The following ANO3 variants were observed in gnomAD, a reference collection of about 807,000 sequenced individuals.
ANO3 encodes anoctamin-3.
Under a neutral mutation model 144.8 loss-of-function variants are expected in ANO3, and 99 were observed. That is an observed-to-expected ratio of 0.68 (90% CI 0.58 to 0.81). ANO3 has a LOEUF of 0.81. Ranked by LOEUF, ANO3 falls within the 30% of genes least tolerant of loss-of-function variation. The pLI is 0.00. For missense variants in ANO3, 905 were observed against 1,202.2 expected (o/e 0.75, Z 3.66); for synonymous variants, 414 against 392.6 (o/e 1.05, Z -0.64).
intron 1 of ANO3, among the ~76,000 whole-genome samples, chr11:26,435,784 T>G (rs188692942): frequency 4.8e-4 from 73 of 152,340 alleles, no homozygotes; most frequent in African/African-American, 1.7e-3. Flanking sequence ...CCTGTTAACT[T>G]CTGTATCATT....
intron 1 of ANO3, among the ~76,000 whole-genome samples, chr11:26,195,366 G>A (rs1035385895): frequency 6.6e-6 from 1 of 152,180 alleles, no homozygotes. Flanking sequence ...GGAAAATGAG[G>A]TTATGTATGT....
chr11:26,440,192 G>A lies in ANO3; in HGVS notation c.47-1726G>A, dbSNP rs923335852. 5.3e-5 allele frequency among the ~76,000 whole-genome samples: 8 copies of A among 152,198 alleles called. No homozygotes were observed. In the East Asian group the frequency reaches 1.4e-3, roughly 26 times the overall value. On this transcript the variant is annotated intron_variant, in intron 1 of 26. Coordinates refer to ENST00000256737, the MANE Select transcript of ANO3 (RefSeq NM_031418.4). ...TTAGGGAGTGATTCACGATCAAGCAGCTTTGTACAATTTACCATATGTATT... is the reference window on the plus strand; with the variant it reads ...TTAGGGAGTGATTCACGATCAAGCAACTTTGTACAATTTACCATATGTATT...
chr11:26,269,989 T>C (rs950694676), intron 1 of ANO3, among the ~76,000 whole-genome samples: 1 of 152,110 alleles, frequency 6.6e-6, no homozygotes, highest in Non-Finnish European at 1.5e-5. Flanking sequence ...GAACAGATCA[T>C]GTGAAGACAC....
chr11:26,509,103 CTCTA>C (rs1465872445), intron 5 of ANO3, among the ~76,000 whole-genome samples: 4 of 118,214 alleles, frequency 3.4e-5, no homozygotes, highest in African/African-American at 1.2e-4. Context: ...ATCTCTCTCT[CTCTA>C]TATATATATA....
rs143142859 is a variant in ANO3, at chr11:26,450,653, G to A, written c.313+6817G>A. ...CACACCATCTTTGCCTGAGTTTTCC[G>A]ATTTGAGAAATGGAGATATCAATAT... is the stretch of plus-strand genomic sequence containing the variant. On this transcript the variant is annotated intron_variant, in intron 3 of 26. Transcript: ENST00000256737. Among the ~76,000 whole-genome samples, 1,447 of 152,236 alleles carry A rather than the reference G, an allele frequency of 9.5e-3. 11 individuals are homozygous for A. The highest frequency in any genetic ancestry group is 0.032 in the African/African-American group (1,342 of 41,532).
intron 1 of ANO3, among the ~76,000 whole-genome samples, chr11:26,259,424 C>T (rs547948579): frequency 2.0e-5 from 3 of 152,050 alleles, no homozygotes; most frequent in African/African-American, 7.2e-5. Context: ...CCGAGGCAGG[C>T]GGATCATGAG....
At chr11:26,265,727 G>C (rs916174959) in intron 1 of ANO3, among the ~76,000 whole-genome samples, 1 of 152,184 alleles carries the variant, frequency 6.6e-6, no homozygotes, top group Non-Finnish European at 1.5e-5. Context: ...GGTGGCTCAA[G>C]ACTTGAGCTA....
chr11:26,443,609 G>A (rs573215294), intron 2 of ANO3, among the ~76,000 whole-genome samples, 156 bp from the exon 3 acceptor site: 26 of 151,960 alleles, frequency 1.7e-4, no homozygotes, highest in South Asian at 6.2e-4. Context: ...CTTAAAAAAC[G>A]GAAAAAACAG....
chr11:26,438,033 C>T (rs7941215), intron 1 of ANO3, among the ~76,000 whole-genome samples: 145,561 of 152,226 alleles, frequency 0.96, 69,767 homozygotes, highest in East Asian at 1. Context: ...CAACACACTA[C>T]TGAACAAAAA....
Position 26,525,691 on chromosome 11 carries a change from A to G in ANO3, c.737+12A>G, listed in dbSNP as rs1370173417. ...AAATCAATGGGCAGGTTGGTGGGTGATGAATCATTTCTTTATAACAAATTT... is the reference window on the plus strand; with the variant it reads ...AAATCAATGGGCAGGTTGGTGGGTGGTGAATCATTTCTTTATAACAAATTT... On this transcript the variant is annotated intron_variant, in intron 7 of 26. Transcript: ENST00000256737. The G allele has an allele frequency of 4.4e-6, 7 of 1,602,902 alleles. No homozygotes were observed. The highest frequency in any genetic ancestry group is 3.4e-5 in the Admixed American group (2 of 58,502).
At chr11:26,462,351 T>C (rs895334867) in intron 3 of ANO3, among the ~76,000 whole-genome samples, 1 of 151,914 alleles carries the variant, frequency 6.6e-6, no homozygotes, top group Non-Finnish European at 1.5e-5. Flanking sequence ...GAATTCTTGG[T>C]CATATAGACA....
At chr11:26,245,018 T>TGTGTGTGTGTGTGTGTGCGC (rs151031559) in intron 1 of ANO3, among the ~76,000 whole-genome samples, 68 of 145,422 alleles carry the variant, frequency 4.7e-4, no homozygotes, top group African/African-American at 1.7e-3. Flanking sequence ...TGTGTGTGTG[T>TGTGTGTGTGTGTGTGTGCGC]GTGCATGCAT....
At chr11:26,628,824 G>A (rs1306698945) in intron 18 of ANO3, among the ~76,000 whole-genome samples, 1 of 152,140 alleles carries the variant, frequency 6.6e-6, no homozygotes, top group African/African-American at 2.4e-5. Context: ...AATCACATCT[G>A]TTTCCTCATA....
At chr11:26,655,768 ACTT>A (rs1214716227) in intron 24 of ANO3, among the ~76,000 whole-genome samples, 2 of 152,198 alleles carry the variant, frequency 1.3e-5, no homozygotes, top group Non-Finnish European at 2.9e-5. Flanking sequence ...TTTATTAACT[ACTT>A]AATTATAATT....
At chr11:26,287,403 C>G (rs1322349337) in intron 1 of ANO3, 1 of 152,128 alleles carries the variant, frequency 6.6e-6, no homozygotes, top group Non-Finnish European at 1.5e-5. Context: ...CCCAGTAAAG[C>G]AGATGACAAT....
chr11:26,432,362 C>G (rs1212787349), intron 1 of ANO3, among the ~76,000 whole-genome samples: 1 of 152,116 alleles, frequency 6.6e-6, no homozygotes, highest in South Asian at 2.1e-4. Flanking sequence ...TGTAGGCTGT[C>G]TGTTTACTCT....
At chr11:26,244,178 C>G (rs1056529561) in intron 1 of ANO3, among the ~76,000 whole-genome samples, 1 of 151,368 alleles carries the variant, frequency 6.6e-6, no homozygotes, top group African/African-American at 2.4e-5. Context: ...AGTGTGATCA[C>G]TGAGGCTTGG....
At chr11:26,273,683 C>A (rs1310330278) in intron 1 of ANO3, among the ~76,000 whole-genome samples, 2 of 149,006 alleles carry the variant, frequency 1.3e-5, no homozygotes, top group African/African-American at 2.5e-5. Flanking sequence ...CAAATTCTGT[C>A]GGGGGAAGGT....
At chr11:26,425,664 G>T (rs1227736507) in intron 1 of ANO3, among the ~76,000 whole-genome samples, 1 of 152,024 alleles carries the variant, frequency 6.6e-6, no homozygotes, top group Non-Finnish European at 1.5e-5. Flanking sequence ...AAATGTATTT[G>T]CAGTATCTTT....
Sources: allele counts gnomAD v4.1 joint callset (sites outside exome capture counted in the v4.1 genomes callset), GRCh38; gene constraint gnomAD v4.1.1; transcripts MANE v1.5; gene names NCBI Gene and HGNC (gene_info 2026-07-23, HGNC 2026-07-21).